PLD5: variants seen among roughly 807,000 people sequenced by gnomAD.
The protein encoded by PLD5 is phospholipase D family member 5.
In PLD5, 36 loss-of-function variants were observed where a neutral mutation model predicts 61.1. The ratio of observed to expected loss-of-function variants is 0.59; its 90% CI spans 0.45 to 0.78. PLD5 has a LOEUF of 0.78. Among genes scored for constraint, PLD5 ranks in the 30% least tolerant of loss-of-function variants. The probability of loss-of-function intolerance (pLI) is 0.00; values close to 1 mark genes in which losing one functional copy is unlikely to be tolerated. For missense variants in PLD5, 515 were observed against 644.4 expected (o/e 0.80, Z 2.17); for synonymous variants, 243 against 242.8 (o/e 1.00, Z -0.01).
intron 2 of PLD5, among the ~76,000 whole-genome samples, chr1:242,312,601 T>C (rs1437185264): frequency 2.0e-5 from 3 of 152,186 alleles, no homozygotes; most frequent in African/African-American, 7.2e-5. Context: ...TATCTTCCTC[T>C]AGCCTGAAAT....
At chr1:242,356,694 T>C (rs1660771738) in intron 1 of PLD5, among the ~76,000 whole-genome samples, 1 of 151,726 alleles carries the variant, frequency 6.6e-6, no homozygotes, top group Admixed American at 6.6e-5. Context: ...CTTAGTGGTA[T>C]GTTTTGAATG....
rs1669367124 is a variant in PLD5 at position 242,524,121 on chromosome 1, G to C, written c.156C>G (p.Ser52Arg). Residue 52 changes from serine to arginine, a missense_variant, in exon 1 of 10, where the codon AGC (serine) becomes AGG (arginine). Transcript: ENST00000536534. ...GCTTGTCTTTCCTCCGAAGCCAGAC[G>C]CTGGCGCTGTAGTCCTGCTGCTTGA... is the stretch of plus-strand genomic sequence containing the variant. ...SSVKQQDYSA[S>R]VWLRRKDKLE... 1 of 1,535,154 alleles carries C rather than the reference G, an allele frequency of 6.5e-7. No individual in the cohort carries two copies. Among genetic ancestry groups the C allele is most frequent in the Non-Finnish European group, 8.7e-7 (1 of 1,146,422 alleles).
At chr1:242,123,789 A>G (rs138650740) in intron 6 of PLD5, among the ~76,000 whole-genome samples, 110 of 152,322 alleles carry the variant, frequency 7.2e-4, no homozygotes, top group African/African-American at 2.6e-3. Context: ...AGGCCCAGAT[A>G]TTTACATTGC....
At chr1:242,483,276 G>C (rs1034962872) in intron 1 of PLD5, among the ~76,000 whole-genome samples, 3 of 152,120 alleles carry the variant, frequency 2.0e-5, no homozygotes, top group Non-Finnish European at 2.9e-5. Context: ...ATTGGATAAA[G>C]AGTCAAGACC....
intron 1 of PLD5, among the ~76,000 whole-genome samples, chr1:242,376,354 G>C (rs78250230): frequency 1.3e-5 from 2 of 152,080 alleles, no homozygotes; most frequent in Non-Finnish European, 2.9e-5. Flanking sequence ...GCCCACACTG[G>C]AGTGCAGTTG....
intron 1 of PLD5, among the ~76,000 whole-genome samples, chr1:242,521,182 A>C (rs1416672193): frequency 6.6e-6 from 1 of 152,206 alleles, no homozygotes; most frequent in African/African-American, 2.4e-5. Context: ...GATTCTCTAT[A>C]AACATTTATT....
At chr1:242,177,088 G>T (rs764499978) in intron 5 of PLD5, among the ~76,000 whole-genome samples, 1 of 152,070 alleles carries the variant, frequency 6.6e-6, no homozygotes, top group Non-Finnish European at 1.5e-5. Context: ...TATACCCAAA[G>T]GATTATAAAT....
At chr1:242,124,409 T>G in intron 6 of PLD5, 59 bp downstream of exon 6, 3 of 1,523,068 alleles carry the variant, frequency 2.0e-6, no homozygotes, top group Non-Finnish European at 2.7e-6. Context: ...ACATTCCAAC[T>G]TAATAAAGAG....
At chr1:242,460,443 G>A (rs1667083045) in intron 1 of PLD5, among the ~76,000 whole-genome samples, 1 of 152,106 alleles carries the variant, frequency 6.6e-6, no homozygotes, top group Non-Finnish European at 1.5e-5. Context: ...TCCCGCAATA[G>A]GATTAGTGAA....
At chr1:242,114,526 G>C (rs547390034) in intron 6 of PLD5, among the ~76,000 whole-genome samples, 45 of 152,306 alleles carry the variant, frequency 3.0e-4, no homozygotes, top group Admixed American at 2.3e-3. Flanking sequence ...CTATTCCCCA[G>C]GCCAGGGACC....
At chr1:242,162,707 G>A (rs1375636042) in intron 5 of PLD5, among the ~76,000 whole-genome samples, 2 of 149,932 alleles carry the variant, frequency 1.3e-5, no homozygotes, top group Non-Finnish European at 2.9e-5. Context: ...AAGCCGTGAT[G>A]CTAAAAAGCT....
At chr1:242,442,628 G>A (rs1349124342) in intron 1 of PLD5, among the ~76,000 whole-genome samples, 1 of 152,110 alleles carries the variant, frequency 6.6e-6, no homozygotes, top group Non-Finnish European at 1.5e-5. Context: ...AAAAATGTGA[G>A]CTGTACATCT....
At chr1:242,293,397 A>T (rs375413360) in intron 2 of PLD5, among the ~76,000 whole-genome samples, 1 of 152,182 alleles carries the variant, frequency 6.6e-6, no homozygotes, top group South Asian at 2.1e-4. Context: ...ATTACATTCA[A>T]TATGTTATTT....
intron 4 of PLD5, among the ~76,000 whole-genome samples, chr1:242,221,729 T>C (rs1670600679): frequency 6.6e-6 from 1 of 152,040 alleles, no homozygotes; most frequent in Non-Finnish European, 1.5e-5. Context: ...GAGGAGGAAC[T>C]TGGGTATGGC....
chr1:242,272,166 G>A lies in PLD5; in HGVS notation c.496-6718C>T, dbSNP rs537505666. 6.6e-5 allele frequency among the ~76,000 whole-genome samples: 10 copies of A among 152,156 alleles called. No individual in the cohort carries two copies. In the East Asian group the frequency reaches 1.9e-3, roughly 29 times the overall value. On this transcript the variant is annotated intron_variant, in intron 3 of 9. Coordinates refer to ENST00000536534, the MANE Select transcript of PLD5 (RefSeq NM_001372062.1). ...AGGTGAGCTTTAAGGTATTAGATGG[G>A]AAAAAGTGGGTCATTTTTATGAAAT...
intron 5 of PLD5, among the ~76,000 whole-genome samples, chr1:242,216,363 G>T (rs1374974784): frequency 6.6e-6 from 1 of 152,132 alleles, no homozygotes; most frequent in Non-Finnish European, 1.5e-5. Context: ...AAGGCTGGAA[G>T]GTTTTGCAAA....
intron 1 of PLD5, among the ~76,000 whole-genome samples, chr1:242,452,836 C>T (rs778600051): frequency 2.6e-5 from 4 of 151,842 alleles, no homozygotes; most frequent in African/African-American, 7.3e-5. Flanking sequence ...TGTGGACATC[C>T]GGAAAGCCAG....
intron 2 of PLD5, among the ~76,000 whole-genome samples, chr1:242,329,436 C>G (rs1659033394): frequency 6.6e-6 from 1 of 152,180 alleles, no homozygotes; most frequent in Admixed American, 6.5e-5. Context: ...CCAGCCCACT[C>G]TGTATCACCA....
At chr1:242,413,181 CT>C (rs1179877350) in intron 1 of PLD5, among the ~76,000 whole-genome samples, 1 of 152,170 alleles carries the variant, frequency 6.6e-6, no homozygotes, top group Non-Finnish European at 1.5e-5. Context: ...GAGCTCCATG[CT>C]GACACTCTGA....
Sources: allele counts gnomAD v4.1 joint callset (sites outside exome capture counted in the v4.1 genomes callset), GRCh38; gene constraint gnomAD v4.1.1; transcripts MANE v1.5; gene names NCBI Gene and HGNC (gene_info 2026-07-23, HGNC 2026-07-21).